Variants in CADPS observed in about 807,000 individuals in gnomAD.
CADPS encodes calcium dependent secretion activator, also known as calcium-dependent secretion activator 1.
CADPS carries 57 observed loss-of-function variants against 167.3 expected under a neutral mutation model. The observed-to-expected ratio is 0.34, with a 90% confidence interval of 0.28 to 0.42. The LOEUF is 0.42. CADPS is among the 20% of genes least tolerant of loss of function. The probability of loss-of-function intolerance (pLI) is 1.00; values close to 1 mark genes in which losing one functional copy is unlikely to be tolerated. For synonymous variants in CADPS, 676 were observed against 635.3 expected (o/e 1.06, Z -0.96); for missense variants, 1,414 against 1,738.1 (o/e 0.81, Z 3.32).
intron 1 of CADPS, among the ~76,000 whole-genome samples, chr3:62,803,722 A>C (rs1324918921): frequency 2.0e-5 from 3 of 151,992 alleles, no homozygotes; most frequent in Non-Finnish European, 4.4e-5. Flanking sequence ...TAGAAAAAGC[A>C]CTCTAAATGT....
chr3:62,479,188 T>C (rs937081351), intron 22 of CADPS, among the ~76,000 whole-genome samples: 8 of 152,192 alleles, frequency 5.3e-5, no homozygotes, highest in African/African-American at 1.7e-4. Context: ...CTGTGTGCAG[T>C]TGGGGAAATT....
intron 1 of CADPS, among the ~76,000 whole-genome samples, chr3:62,801,883 G>A (rs2093787598): frequency 6.6e-6 from 1 of 152,168 alleles, no homozygotes; most frequent in Admixed American, 6.5e-5. Flanking sequence ...TAATCATTGA[G>A]CCTGTCTAGA....
At chr3:62,627,717 A>C (rs2064372562) in intron 6 of CADPS, among the ~76,000 whole-genome samples, 1 of 132,030 alleles carries the variant, frequency 7.6e-6, no homozygotes, top group Admixed American at 8.5e-5. Context: ...AGAAGACCCT[A>C]ACCTGTGAAG....
intron 3 of CADPS, among the ~76,000 whole-genome samples, chr3:62,752,266 A>G (rs1322083491): frequency 6.6e-6 from 1 of 152,208 alleles, no homozygotes; most frequent in East Asian, 1.9e-4. Context: ...TTAATTTTAT[A>G]TTGATATGTG....
intron 5 of CADPS, among the ~76,000 whole-genome samples, chr3:62,647,797 G>T (rs2150117089): frequency 6.6e-6 from 1 of 152,272 alleles, no homozygotes. Flanking sequence ...TCACGTGCAG[G>T]TTTCTCAACC....
intron 3 of CADPS, among the ~76,000 whole-genome samples, chr3:62,720,027 A>C (rs1346387918): frequency 6.6e-6 from 1 of 152,200 alleles, no homozygotes; most frequent in African/African-American, 2.4e-5. Context: ...AGGATAACAG[A>C]GTCTCTGTCA....
In CADPS at chr3:62,564,486, GTGAT is replaced by G. The variant is rs1352378327; in HGVS notation, c.1644+6382_1644+6385del. On this transcript the variant is annotated intron_variant, in intron 9 of 29. Transcript: ENST00000383710. The stretch of plus-strand genomic sequence containing the variant: ...ACTCTAAGAAACCATATAAATATAA[GTGAT>G]TGTCCACATTATTAGAGGAACCACA... Among the ~76,000 whole-genome samples, 4 of 152,238 alleles carry G rather than the reference GTGAT, an allele frequency of 2.6e-5. No homozygotes were observed. The East Asian group carries it at 7.7e-4, about 29-fold the overall frequency.
At chr3:62,626,513 A>G (rs2064118597) in intron 6 of CADPS, 4 of 702,680 alleles carry the variant, frequency 5.7e-6, no homozygotes. Flanking sequence ...GACATGGCAC[A>G]AAGACGGGAC....
At chr3:62,782,299 C>A (rs2091782009) in intron 1 of CADPS, among the ~76,000 whole-genome samples, 3 of 152,176 alleles carry the variant, frequency 2.0e-5, no homozygotes, top group African/African-American at 4.8e-5. Context: ...ATCCAGCCAG[C>A]CAGCCAGCGA....
At position 62,463,854 on chromosome 3, in the gene CADPS, C is replaced by T. The variant is rs529429197; in HGVS notation, c.3636+1513G>A. On this transcript the variant is annotated intron_variant, in intron 26 of 29. Transcript: ENST00000383710. ...AATAAGCTCCAGGGATAGGGGCCAT[C>T]GCACCTCTGGGATTGAATTCAATCC... is the stretch of plus-strand genomic sequence containing the variant. Among the ~76,000 whole-genome samples the T allele has an allele frequency of 5.3e-5, 8 of 152,168 alleles. 1 individual carries two copies. Among genetic ancestry groups the T allele is most frequent in the South Asian group, 4.1e-4 (2 of 4,834 alleles).
rs1332971393 is a variant in CADPS at position 62,458,136 on chromosome 3, G to A, written c.3636+7231C>T. Among the ~76,000 whole-genome samples, 1 of 152,120 alleles carries A rather than the reference G, an allele frequency of 6.6e-6. No homozygotes were observed. Among genetic ancestry groups the A allele is most frequent in the Non-Finnish European group, 1.5e-5 (1 of 68,020 alleles). On this transcript the variant is annotated intron_variant, in intron 26 of 29. Coordinates refer to ENST00000383710, the MANE Select transcript of CADPS (RefSeq NM_003716.4). This position sits in a 1 kb window ranked among gnomAD's most constrained non-coding sequence, Gnocchi z 4.6. ...GTCATGTAAACTTTCTTACAGTTTT[G>A]AATAATTTGACAGTAAGGCTAAGAA... is the stretch of plus-strand genomic sequence containing the variant.
intron 28 of CADPS, among the ~76,000 whole-genome samples, chr3:62,435,099 A>T (rs777339788): frequency 6.6e-6 from 1 of 152,186 alleles, no homozygotes; most frequent in Non-Finnish European, 1.5e-5. Context: ...CATTTTTGCC[A>T]TTTATCAAAA....
At position 62,465,386 on chromosome 3, in the gene CADPS, G is replaced by A; in HGVS notation, c.3617C>T (p.Ser1206Phe). The change falls in exon 26 of 30, where the codon TCT becomes TTT. Residue 1206 changes from serine to phenylalanine, a missense_variant. Physicochemically the swap from Ser to Phe is radical, Grantham distance 155. Coordinates refer to ENST00000383710, the MANE Select transcript of CADPS (RefSeq NM_003716.4). This position sits in a 1 kb window ranked among gnomAD's most constrained non-coding sequence, Gnocchi z 4.1. ...LSRYDEGTLF[S>F]SFLSFTVKAA... ...ACTTACGGTAAATGACAGAAAAGAA[G>A]AAAACAAAGTCCCTTCGTCATATCT... 1 of 1,605,468 alleles carries A rather than the reference G, an allele frequency of 6.2e-7. No homozygotes were observed. The highest frequency in any genetic ancestry group is 8.5e-7 in the Non-Finnish European group (1 of 1,176,334).
At position 62,836,140 on chromosome 3, in the gene CADPS, T is replaced by C. The variant is rs535580928; in HGVS notation, c.441+38449A>G. Among the ~76,000 whole-genome samples, 7 of 152,296 alleles carry C rather than the reference T, an allele frequency of 4.6e-5. No homozygotes were observed. In the South Asian group the frequency reaches 1.5e-3, roughly 32 times the overall value. The stretch of plus-strand genomic sequence containing the variant: ...GTTAACCCTTACTGATGCCTGGGCT[T>C]TTAGAGCCCCTGAGTGAATCCGACA... On this transcript the variant is annotated intron_variant, in intron 1 of 29. Coordinates refer to ENST00000383710, the MANE Select transcript of CADPS (RefSeq NM_003716.4).
intron 3 of CADPS, among the ~76,000 whole-genome samples, chr3:62,679,499 C>T (rs2076819090): frequency 6.6e-6 from 1 of 151,922 alleles, no homozygotes; most frequent in Admixed American, 6.6e-5. Context: ...ATGAAGATCT[C>T]CCTAAGAGTA....
chr3:62,464,017 G>A (rs1323682660), intron 26 of CADPS, among the ~76,000 whole-genome samples: 1 of 152,192 alleles, frequency 6.6e-6, no homozygotes, highest in African/African-American at 2.4e-5. Flanking sequence ...AAGAAGTTGT[G>A]TGCATGTATG....
chr3:62,424,201 T>C (rs2052105911), intron 28 of CADPS, among the ~76,000 whole-genome samples: 1 of 152,074 alleles, frequency 6.6e-6, no homozygotes, highest in Non-Finnish European at 1.5e-5. Flanking sequence ...TTTTTTTTTT[T>C]GAGACGGAGT....
At chr3:62,595,658 T>C (rs2058807393) in intron 6 of CADPS, among the ~76,000 whole-genome samples, 1 of 152,194 alleles carries the variant, frequency 6.6e-6, no homozygotes, top group Non-Finnish European at 1.5e-5. Context: ...AATGATTAGA[T>C]GACATGTAAT....
intron 1 of CADPS, among the ~76,000 whole-genome samples, chr3:62,860,781 A>G (rs1192840698): frequency 6.6e-6 from 1 of 152,200 alleles, no homozygotes; most frequent in Non-Finnish European, 1.5e-5. Flanking sequence ...TATTTATGCA[A>G]ATAACTCTAA....
Sources: allele counts gnomAD v4.1 joint callset (sites outside exome capture counted in the v4.1 genomes callset), GRCh38; gene constraint gnomAD v4.1.1; non-coding constraint Gnocchi (gnomAD v3.1); transcripts MANE v1.5; gene names NCBI Gene and HGNC (gene_info 2026-07-23, HGNC 2026-07-21).